The following GALNT13 variants were observed in gnomAD, a reference collection of about 807,000 sequenced individuals.
GALNT13 encodes polypeptide N-acetylgalactosaminyltransferase 13.
A neutral mutation model predicts 64.2 loss-of-function variants in GALNT13; 28 were observed. The ratio of observed to expected loss-of-function variants is 0.44; its 90% CI spans 0.32 to 0.60. The LOEUF is 0.60. Ranked by LOEUF, GALNT13 falls within the 20% of genes least tolerant of loss-of-function variation. The pLI is 0.05. For synonymous variants in GALNT13, 214 were observed against 224.6 expected, an observed-to-expected ratio of 0.95 and a Z score of 0.42; for missense variants, 577 against 669.8, an observed-to-expected ratio of 0.86 and a Z score of 1.53.
At chr2:154,107,187 T>A (rs1702667022) in intron 3 of GALNT13, among the ~76,000 whole-genome samples, 1 of 152,194 alleles carries the variant, frequency 6.6e-6, no homozygotes, top group African/African-American at 2.4e-5. Context: ...ATACAGAACA[T>A]GAACCTAATA....
At chr2:153,391,827 A>C in the GALNT13 span, among the ~76,000 whole-genome samples, 3 of 151,776 alleles carry the variant, frequency 2.0e-5, no homozygotes, top group Non-Finnish European at 4.4e-5. Flanking sequence ...TCATTTTAGT[A>C]TAAAATATAA....
At chr2:154,252,137 T>C (rs1690101821) in intron 7 of GALNT13, among the ~76,000 whole-genome samples, 1 of 151,864 alleles carries the variant, frequency 6.6e-6, no homozygotes, top group South Asian at 2.1e-4. Context: ...TGAAACATTC[T>C]TAGGAGTTTT....
chr2:153,808,547 T>C, the GALNT13 span, among the ~76,000 whole-genome samples: 2 of 152,162 alleles, frequency 1.3e-5, no homozygotes. Context: ...TTTCTAACTT[T>C]ATTCCTGACA....
chr2:154,325,640 T>A (rs1694838233), intron 9 of GALNT13, among the ~76,000 whole-genome samples: 1 of 152,220 alleles, frequency 6.6e-6, no homozygotes, highest in East Asian at 1.9e-4. Flanking sequence ...AATAATTGTA[T>A]ACTTTGATGG....
chr2:153,412,755 C>T, the GALNT13 span, among the ~76,000 whole-genome samples: 1 of 152,076 alleles, frequency 6.6e-6, no homozygotes, highest in Non-Finnish European at 1.5e-5. Flanking sequence ...GTTTCATTTC[C>T]AAATTTCTAG....
intron 3 of GALNT13, among the ~76,000 whole-genome samples, chr2:154,009,237 T>C (rs1348063473): frequency 6.6e-6 from 1 of 151,808 alleles, no homozygotes; most frequent in Non-Finnish European, 1.5e-5. Flanking sequence ...CTGGGTTCTC[T>C]ATCCTGTTGC....
At chr2:153,750,222 T>C in the GALNT13 span, among the ~76,000 whole-genome samples, 5 of 151,868 alleles carry the variant, frequency 3.3e-5, no homozygotes, top group African/African-American at 1.2e-4. Context: ...GATGAATTGG[T>C]TTGCTAGTGT....
chr2:154,290,627 T>G (rs926300386), intron 8 of GALNT13, among the ~76,000 whole-genome samples: 49 of 152,202 alleles, frequency 3.2e-4, no homozygotes, highest in African/African-American at 8.9e-4. Flanking sequence ...ATTTAGAAGC[T>G]GGGCCAATCC....
chr2:154,173,084 G>A (rs115563658), intron 4 of GALNT13, among the ~76,000 whole-genome samples: 1,704 of 151,988 alleles, frequency 0.011, 12 homozygotes, highest in East Asian at 0.037. Flanking sequence ...AAGTTACTGC[G>A]AAACTGTAGT....
intron 10 of GALNT13, among the ~76,000 whole-genome samples, chr2:154,403,027 T>C (rs1031215938): frequency 5.9e-5 from 9 of 152,156 alleles, no homozygotes; most frequent in Admixed American, 3.3e-4. Context: ...TTTTTGTATT[T>C]TGAAGACAAT....
At position 154,008,778 on chromosome 2, in the gene GALNT13, G is replaced by T. The variant is rs1291174659; in HGVS notation, c.142+64139G>T. On this transcript the variant is annotated intron_variant, in intron 3 of 12. Coordinates refer to ENST00000392825, the MANE Select transcript of GALNT13 (RefSeq NM_052917.4). ...GGACTTGATCTCCTTCTTTTTTATG[G>T]CTACATAGAATTCCATGGTATATAT... Among the ~76,000 whole-genome samples, 3 of 152,064 alleles carry T rather than the reference G, an allele frequency of 2.0e-5. No homozygotes were observed. The East Asian group carries it at 5.8e-4, about 29-fold the overall frequency.
chr2:154,252,366 T>A (rs1383697581), intron 7 of GALNT13, among the ~76,000 whole-genome samples: 12 of 150,668 alleles, frequency 8.0e-5, no homozygotes, highest in South Asian at 6.2e-4. Flanking sequence ...TATTATTTTT[T>A]TTTTTTTGAG....
At chr2:153,615,264 G>A in the GALNT13 span, among the ~76,000 whole-genome samples, 59 of 151,834 alleles carry the variant, frequency 3.9e-4, 2 homozygotes, top group South Asian at 1.0e-3. Context: ...TTCTTAATCC[G>A]TAAGTGTCTA....
intron 9 of GALNT13, among the ~76,000 whole-genome samples, chr2:154,364,508 G>T (rs1047033796): frequency 6.6e-6 from 1 of 152,144 alleles, no homozygotes; most frequent in African/African-American, 2.4e-5. Flanking sequence ...ATATCCTTAG[G>T]CTGCTTTCTA....
At chr2:153,341,663 TA>T in the GALNT13 span, among the ~76,000 whole-genome samples, 30 of 152,242 alleles carry the variant, frequency 2.0e-4, no homozygotes, top group African/African-American at 7.2e-4. Context: ...GCATTACCAG[TA>T]GGAAAAACTG....
At chr2:153,724,250 A>G in the GALNT13 span, among the ~76,000 whole-genome samples, 1 of 144,110 alleles carries the variant, frequency 6.9e-6, no homozygotes, top group Non-Finnish European at 1.5e-5. Context: ...CTGGCTAGCC[A>G]TATGTAGAAA....
chr2:153,118,118 C>CACAT, the GALNT13 span, among the ~76,000 whole-genome samples: 35 of 148,124 alleles, frequency 2.4e-4, 1 homozygote, highest in South Asian at 5.3e-3. Flanking sequence ...AACACACACA[C>CACAT]ACACACACAC....
At chr2:154,251,535 A>G (rs1690070809) in intron 7 of GALNT13, among the ~76,000 whole-genome samples, 1 of 152,162 alleles carries the variant, frequency 6.6e-6, no homozygotes. Flanking sequence ...AAAATGACAC[A>G]AATTGTTTGT....
At chr2:153,905,228 G>C (rs1040305676) in intron 2 of GALNT13, among the ~76,000 whole-genome samples, 11 of 151,812 alleles carry the variant, frequency 7.2e-5, no homozygotes, top group Admixed American at 2.0e-4. Context: ...AATTTTTAAA[G>C]AGCTGGTGTA....
Sources: gnomAD v4.1 joint callset for allele counts (sites outside exome capture counted in the v4.1 genomes callset) on GRCh38, gnomAD v4.1.1 for gene constraint, MANE v1.5 for transcripts, NCBI Gene and HGNC (gene_info 2026-07-23, HGNC 2026-07-21) for gene names.